ARHGEF4: variants seen among roughly 807,000 people sequenced by gnomAD.
The protein encoded by ARHGEF4 is APC-stimulated guanine nucleotide exchange factor 1.
ARHGEF4 carries 119 observed loss-of-function variants against 162.0 expected under a neutral mutation model. The observed-to-expected ratio is 0.73, with a 90% CI of 0.63 to 0.86. The LOEUF is 0.86. Among genes scored for constraint, ARHGEF4 ranks in the 40% least tolerant of loss-of-function variants. The probability of loss-of-function intolerance (pLI) is 0.00; values close to 1 mark genes in which losing one functional copy is unlikely to be tolerated. For missense variants in ARHGEF4, 2,488 were observed against 2,456.0 expected (o/e 1.01, Z -0.28); for synonymous variants, 1,014 against 979.9 (o/e 1.03, Z -0.65).
At chr2:130,990,058 T>A (rs556895985) in intron 4 of ARHGEF4, among the ~76,000 whole-genome samples, 71 of 152,332 alleles carry the variant, frequency 4.7e-4, no homozygotes, top group African/African-American at 1.6e-3. Context: ...ACTGTGAGGG[T>A]GGAAAAGGTA....
chr2:130,963,067 G>T (rs779755776), intron 4 of ARHGEF4, among the ~76,000 whole-genome samples: 101 of 152,198 alleles, frequency 6.6e-4, no homozygotes, highest in Middle Eastern at 3.4e-3. Flanking sequence ...CCCCTACCTC[G>T]CACACACACT....
Position 131,044,226 on chromosome 2 carries a change from G to C in ARHGEF4, c.5158-73G>C, listed in dbSNP as rs901749589. The C allele has an allele frequency of 1.7e-5, 27 of 1,574,126 alleles. No homozygotes were observed. In the African/African-American group the frequency reaches 2.8e-4, roughly 16 times the overall value. ...CAGCAGCCCCTCCTATGGCTGGGGA[G>C]AGGAGGTGGGAGCAGCCAGGAAATG... On this transcript the variant is annotated intron_variant, in intron 11 of 13. Transcript: ENST00000409359.
At chr2:130,996,233 C>T (rs990693434) in intron 4 of ARHGEF4, among the ~76,000 whole-genome samples, 2 of 152,162 alleles carry the variant, frequency 1.3e-5, no homozygotes, top group East Asian at 1.9e-4. Context: ...GAATGGGCAC[C>T]CTGGCTCCCC....
intron 3 of ARHGEF4, among the ~76,000 whole-genome samples, chr2:130,932,943 G>A (rs994212505): frequency 2.0e-5 from 3 of 152,120 alleles, no homozygotes; most frequent in African/African-American, 7.2e-5. Flanking sequence ...CCCGCCAGGC[G>A]CAATGGCTCA....
At chr2:130,984,212 C>T (rs1342745196) in intron 4 of ARHGEF4, among the ~76,000 whole-genome samples, 1 of 152,106 alleles carries the variant, frequency 6.6e-6, no homozygotes, top group African/African-American at 2.4e-5. Context: ...GCCCAACCTC[C>T]CCAGACTCCA....
intron 6 of ARHGEF4, among the ~76,000 whole-genome samples, 183 bp downstream of exon 6, chr2:131,039,215 C>T (rs1690557813): frequency 6.6e-6 from 1 of 152,220 alleles, no homozygotes; most frequent in Non-Finnish European, 1.5e-5. Flanking sequence ...TCCCATTCCT[C>T]TTCTGGTGAG....
chr2:131,017,136 T>C (rs1688816302), intron 4 of ARHGEF4, among the ~76,000 whole-genome samples: 1 of 152,228 alleles, frequency 6.6e-6, no homozygotes, highest in Admixed American at 6.5e-5. Context: ...TTTGTTCATT[T>C]ATTCACCTGC....
chr2:130,910,361 T>C (rs954417776), intron 1 of ARHGEF4, among the ~76,000 whole-genome samples: 2 of 152,128 alleles, frequency 1.3e-5, no homozygotes, highest in Non-Finnish European at 2.9e-5. Context: ...TGTGGGTATA[T>C]TAATATCAGA....
chr2:130,913,968 C>A lies in ARHGEF4; in HGVS notation c.40-18C>A. On this transcript the variant is annotated intron_variant, in intron 1 of 13. Coordinates refer to ENST00000409359, the MANE Select transcript of ARHGEF4 (RefSeq NM_001367493.1). ...TACTCAGGCCTTGTCTCTGACTCCT[C>A]TCTTCTTGCCCTCCCAGACTCCAGA... 1 of 1,535,966 alleles carries A rather than the reference C, an allele frequency of 6.5e-7. No individual in the cohort carries two copies. Among genetic ancestry groups the A allele is most frequent in the South Asian group, 1.2e-5 (1 of 84,040 alleles).
rs1204897642 is a variant in ARHGEF4 at position 130,837,644 on chromosome 2, G to A, written c.39+652G>A. On this transcript the variant is annotated intron_variant, in intron 1 of 13. Transcript: ENST00000409359. Reference sequence around the variant, plus strand: ...CACAGGAACCCCAAGATGGGCCGGGGGCTCCGGGGCACTGTCAGGGGTGGC... The same window carrying A: ...CACAGGAACCCCAAGATGGGCCGGGAGCTCCGGGGCACTGTCAGGGGTGGC... 1.3e-5 allele frequency: 6 copies of A among 449,304 alleles called. No homozygotes were observed. The Admixed American group carries it at 1.4e-4, about 11-fold the overall frequency. The allele number at this position is 449,304 out of a possible 1,614,324, so 27.8% of individuals were successfully genotyped here.
At chr2:130,941,613 A>G (rs1243417347) in intron 3 of ARHGEF4, among the ~76,000 whole-genome samples, 1 of 152,218 alleles carries the variant, frequency 6.6e-6, no homozygotes, top group South Asian at 2.1e-4. Flanking sequence ...ATGTTGTAAG[A>G]TATTATAAGT....
At chr2:130,946,981 A>G in intron 4 of ARHGEF4, 1 of 211,544 alleles carries the variant, frequency 4.7e-6, no homozygotes, top group Non-Finnish European at 9.9e-6. Flanking sequence ...CTATAATCCC[A>G]GCACTTTGGG....
chr2:130,995,945 A>G (rs1687363327), intron 4 of ARHGEF4, among the ~76,000 whole-genome samples: 1 of 147,278 alleles, frequency 6.8e-6, no homozygotes, highest in Non-Finnish European at 1.5e-5. Flanking sequence ...GCTGGAGTGC[A>G]GTGGCGCGAT....
At position 130,976,000 on chromosome 2, in the gene ARHGEF4, G is replaced by T. The variant is rs186363999; in HGVS notation, c.3985+29365G>T. On this transcript the variant is annotated intron_variant, in intron 4 of 13. Coordinates refer to ENST00000409359, the MANE Select transcript of ARHGEF4 (RefSeq NM_001367493.1). ...GGAGGCTAAATAACTGTCCCATGGG[G>T]GTCCGTCACAGGCTGGCTGCTGGAG... Among the ~76,000 whole-genome samples, 363 of 152,196 alleles carry T rather than the reference G, an allele frequency of 2.4e-3. 1 individual carries two copies. The highest frequency in any genetic ancestry group is 8.2e-3 in the African/African-American group (339 of 41,526).
rs757558775 is a variant in ARHGEF4 at position 131,038,937 on chromosome 2, G to A, written c.4210G>A (p.Gly1404Arg). The change falls in exon 6 of 14, where the codon GGG becomes AGG. Residue 1404 changes from glycine (G) to arginine (R), a missense_variant. By Grantham distance (125) the Gly-to-Arg change is moderately radical. Transcript: ENST00000409359. The part of the protein sequence containing the change: ...MDDQELGFKA[G>R]DVIEVMDATN... Reference sequence around the variant, plus strand: ...CGACCAGGAGCTGGGCTTCAAAGCTGGGGACGTCATCGAAGTGATGGATGC... The same window carrying A: ...CGACCAGGAGCTGGGCTTCAAAGCTAGGGACGTCATCGAAGTGATGGATGC... The A allele has an allele frequency of 1.2e-6, 2 of 1,613,772 alleles. No individual in the cohort carries two copies. Among genetic ancestry groups the A allele is most frequent in the South Asian group, 1.1e-5 (1 of 91,082 alleles).
chr2:130,838,642 A>AAAGG (rs547230277), intron 1 of ARHGEF4, among the ~76,000 whole-genome samples: 3 of 151,388 alleles, frequency 2.0e-5, no homozygotes, highest in South Asian at 4.2e-4. Context: ...GGAAGGAAGG[A>AAAGG]AAGGAAGGAA....
intron 5 of ARHGEF4, among the ~76,000 whole-genome samples, chr2:131,028,831 G>A (rs1342735919): frequency 6.6e-6 from 1 of 152,226 alleles, no homozygotes; most frequent in Admixed American, 6.5e-5. Flanking sequence ...GGAGGTACTG[G>A]TGTGTTTCTG....
intron 1 of ARHGEF4, among the ~76,000 whole-genome samples, chr2:130,880,982 T>C (rs79358514): frequency 0.027 from 4,183 of 152,290 alleles, 164 homozygotes; most frequent in African/African-American, 0.095. Flanking sequence ...TAAATCTCTT[T>C]CCTTCTTTGA....
At chr2:130,996,175 A>G (rs1687378260) in intron 4 of ARHGEF4, among the ~76,000 whole-genome samples, 1 of 152,124 alleles carries the variant, frequency 6.6e-6, no homozygotes, top group Non-Finnish European at 1.5e-5. Flanking sequence ...GGCATGAGCC[A>G]CCACGCCCAG....
Sources: gnomAD v4.1 joint callset for allele counts (sites outside exome capture counted in the v4.1 genomes callset) on GRCh38, gnomAD v4.1.1 for gene constraint, MANE v1.5 for transcripts, NCBI Gene and HGNC (gene_info 2026-07-23, HGNC 2026-07-21) for gene names.